The following CTSC variants were observed in gnomAD, a reference collection of about 807,000 sequenced individuals.
CTSC encodes dipeptidyl peptidase 1.
A neutral mutation model predicts 40.9 loss-of-function variants in CTSC; 37 were observed. The observed-to-expected ratio is 0.91, with a 90% CI of 0.70 to 1.19. The LOEUF (loss-of-function observed/expected upper bound fraction) is 1.19, where lower values mean the gene tolerates loss of function less well. CTSC is among the 50% of genes most tolerant of loss of function. The pLI, the probability that CTSC is intolerant of heterozygous loss-of-function variation, is 0.00. For missense variants in CTSC, 594 were observed against 567.3 expected, an observed-to-expected ratio of 1.05 and a Z score of -0.48; for synonymous variants, 232 against 207.4, an observed-to-expected ratio of 1.12 and a Z score of -1.02.
chr11:88,305,095 CA>C (rs397727219), intron 4 of CTSC, among the ~76,000 whole-genome samples: 47 of 146,602 alleles, frequency 3.2e-4, no homozygotes, highest in African/African-American at 5.8e-4. Flanking sequence ...GAGACTCTGT[CA>C]AAAAAAAAAA....
At position 88,294,275 on chromosome 11, in the gene CTSC, CA is replaced by C. The variant is rs1944274161; in HGVS notation, c.1122del (p.Phe374LeufsTer20). The C allele has an allele frequency of 6.2e-7, 1 of 1,613,956 alleles. No individual in the cohort carries two copies. Among genetic ancestry groups the C allele is most frequent in the Non-Finnish European group, 8.5e-7 (1 of 1,180,032 alleles). ...LVHHGPMAVA[F>X]EVYDDFLHYK... ...TAGTGGAGGAAGTCATCATATACTT[CA>C]AAAGCAACTGCCATGGGCCCATGAT... On this transcript the variant is annotated frameshift_variant, in exon 7 of 7. Transcript: ENST00000227266. LOFTEE classifies it high-confidence loss of function.
chr11:88,314,424 TG>T (rs1392292234), intron 2 of CTSC, among the ~76,000 whole-genome samples: 1 of 152,192 alleles, frequency 6.6e-6, no homozygotes, highest in Non-Finnish European at 1.5e-5. Flanking sequence ...CCAGAAAAAC[TG>T]GACTTGAATT....
intron 6 of CTSC, among the ~76,000 whole-genome samples, chr11:88,295,806 A>C (rs1443579980): frequency 6.6e-6 from 1 of 152,176 alleles, no homozygotes; most frequent in Non-Finnish European, 1.5e-5. Context: ...AGACCTTCAA[A>C]TTATTAGAAA....
chr11:88,335,286 C>A (rs1037003470), intron 1 of CTSC, among the ~76,000 whole-genome samples: 1 of 151,906 alleles, frequency 6.6e-6, no homozygotes, highest in African/African-American at 2.4e-5. Flanking sequence ...AAGTTAGGCT[C>A]TAAAAATTTG....
intron 1 of CTSC, among the ~76,000 whole-genome samples, chr11:88,336,809 C>A (rs755469558): frequency 6.6e-6 from 1 of 152,146 alleles, no homozygotes; most frequent in Non-Finnish European, 1.5e-5. Flanking sequence ...TATCTGAAGG[C>A]ATATGGAATA....
intron 6 of CTSC, 21 bp downstream of exon 6, chr11:88,296,112 T>G (rs1461394811): frequency 3.1e-6 from 5 of 1,613,032 alleles, no homozygotes; most frequent in Non-Finnish European, 8.5e-7. Context: ...TCATAAATGG[T>G]GTCTGAAATG....
intron 2 of CTSC, among the ~76,000 whole-genome samples, chr11:88,315,401 T>C (rs910174930): frequency 1.3e-5 from 2 of 152,134 alleles, no homozygotes; most frequent in African/African-American, 2.4e-5. Flanking sequence ...TTAAAAAGTA[T>C]TAGGTAAACA....
intron 2 of CTSC, among the ~76,000 whole-genome samples, chr11:88,315,687 C>A (rs1017372659): frequency 6.6e-6 from 1 of 152,052 alleles, no homozygotes; most frequent in Non-Finnish European, 1.5e-5. Flanking sequence ...AAAAAAAAGA[C>A]CTAAGGAAGT....
At chr11:88,326,387 C>A (rs754765040) in intron 2 of CTSC, 23 of 1,613,912 alleles carry the variant, frequency 1.4e-5, no homozygotes, top group South Asian at 8.8e-5. Context: ...TTAGCCCCAA[C>A]GTCTGTTCAT....
chr11:88,296,414 G>T, intron 5 of CTSC, 150 bp from the exon 6 acceptor site: 1 of 914,988 alleles, frequency 1.1e-6, no homozygotes, highest in Non-Finnish European at 1.7e-6. Context: ...CAACTAACAA[G>T]CATTGTTGAG....
chr11:88,325,762 A>C, intron 2 of CTSC: 6 of 985,404 alleles, frequency 6.1e-6, no homozygotes, highest in Non-Finnish European at 7.2e-6. Flanking sequence ...GGAGGTCTAT[A>C]ATCTGTAGAA....
In CTSC at chr11:88,293,727, T is replaced by G; in HGVS notation, c.*279A>C. ...GTTTTCACATTGATTTTAAAAAATA[T>G]AGCATGTTTGAATTACAAATGATTA... On this transcript the variant is annotated 3_prime_UTR_variant, in exon 7 of 7. Coordinates refer to ENST00000227266, the MANE Select transcript of CTSC (RefSeq NM_001814.6). 1 of 433,680 alleles carries G rather than the reference T, an allele frequency of 2.3e-6. No individual in the cohort carries two copies. The highest frequency in any genetic ancestry group is 4.2e-6 in the Non-Finnish European group (1 of 239,508). 26.9% of individuals were successfully genotyped at this position (433,680 alleles called of 1,614,324 possible).
chr11:88,337,634 C>A lies in CTSC; in HGVS notation c.39G>T (p.Leu13=). The A allele has an allele frequency of 6.3e-7, 1 of 1,584,772 alleles. No individual in the cohort carries two copies. Among genetic ancestry groups the A allele is most frequent in the East Asian group, 2.3e-5 (1 of 43,412 alleles). Residue 13 remains leucine, a synonymous_variant, in exon 1 of 7, where the codon CTG becomes CTT. Coordinates refer to ENST00000227266, the MANE Select transcript of CTSC (RefSeq NM_001814.6). ...CGGCGCCGTCGCCGGAGAGAAGCAG[C>A]AGGAGGGCGGCGAGCAGCAAGGAGG... The part of the protein sequence containing the change: ...AGPSLLLAAL[L]LLLSGDGAVR...
chr11:88,305,020 C>A (rs1188164642), intron 4 of CTSC, among the ~76,000 whole-genome samples: 2 of 152,054 alleles, frequency 1.3e-5, no homozygotes, highest in Non-Finnish European at 2.9e-5. Flanking sequence ...ATCATTTAAA[C>A]CCAGGAGGCA....
intron 2 of CTSC, among the ~76,000 whole-genome samples, chr11:88,312,793 GAAAAC>G (rs953911828): frequency 3.9e-5 from 6 of 151,916 alleles, no homozygotes; most frequent in African/African-American, 9.7e-5. Flanking sequence ...AAGGCCAAGG[GAAAAC>G]AAAACAAAAC....
chr11:88,325,350 C>T, intron 2 of CTSC: 1 of 985,394 alleles, frequency 1.0e-6, no homozygotes, highest in Non-Finnish European at 1.2e-6. Context: ...GCTAAGGAAA[C>T]CTAAGCTTCA....
At chr11:88,335,599 A>T (rs1269422182) in intron 1 of CTSC, among the ~76,000 whole-genome samples, 1 of 152,174 alleles carries the variant, frequency 6.6e-6, no homozygotes, top group African/African-American at 2.4e-5. Flanking sequence ...GAGATATGCT[A>T]TGCAGCCCAG....
rs1306319528 is a variant in CTSC, at chr11:88,334,984, C to A, written c.271G>T (p.Gly91Cys). 14 of 1,612,246 alleles carry A rather than the reference C, an allele frequency of 8.7e-6. No individual in the cohort carries two copies. The highest frequency in any genetic ancestry group is 1.2e-5 in the Non-Finnish European group (14 of 1,178,822). Residue 91 changes from glycine to cysteine, a missense_variant, in exon 2 of 7, where the codon GGC becomes TGC. Transcript: ENST00000227266. ...SGHFTIIYNQGFEIVLNDYKW... is the reference protein window; with the variant it reads ...SGHFTIIYNQCFEIVLNDYKW... ...TAGTCATTCAACACAATCTCAAAGC[C>A]TTGGTTGTAAATGATGGTGAAATGG...
At chr11:88,323,081 T>C (rs1013730132) in intron 2 of CTSC, 3 of 152,244 alleles carry the variant, frequency 2.0e-5, no homozygotes, top group Non-Finnish European at 2.9e-5. Flanking sequence ...CACAGTCAAG[T>C]TGGCTTCATC....
Sources: gnomAD v4.1 joint callset for allele counts (sites outside exome capture counted in the v4.1 genomes callset) on GRCh38, gnomAD v4.1.1 for gene constraint, MANE v1.5 for transcripts, NCBI Gene and HGNC (gene_info 2026-07-23, HGNC 2026-07-21) for gene names.